UQCC2: variants seen among roughly 807,000 people sequenced by gnomAD.
UQCC2 encodes ubiquinol-cytochrome c reductase complex assembly factor 2.
Under a neutral mutation model 19.9 loss-of-function variants are expected in UQCC2, and 21 were observed. The ratio of observed to expected loss-of-function variants is 1.05; its 90% CI spans 0.75 to 1.52. The LOEUF (loss-of-function observed/expected upper bound fraction) is 1.52, where lower values mean the gene tolerates loss of function less well. UQCC2 is among the 40% of genes most tolerant of loss of function. The probability of loss-of-function intolerance (pLI) is 0.00; values close to 1 mark genes in which losing one functional copy is unlikely to be tolerated. For missense variants in UQCC2, 135 were observed against 157.5 expected, an observed-to-expected ratio of 0.86 and a Z score of 0.76; for synonymous variants, 57 against 60.9, an observed-to-expected ratio of 0.94 and a Z score of 0.30.
rs34737116 is a variant in UQCC2 at position 33,705,351 on chromosome 6, C to CTG, written c.139-3933_139-3932dup. 8.8e-5 allele frequency among the ~76,000 whole-genome samples: 5 copies of CTG among 56,574 alleles called. No homozygotes were observed. The South Asian group carries it at 9.7e-3, about 109-fold the overall frequency. 37.1% of individuals were successfully genotyped at this position (56,574 alleles called of 152,430 possible). A position where few individuals can be genotyped will look rare whatever the true frequency, so the allele number is the denominator to read the frequency against. On this transcript the variant is annotated intron_variant, in intron 1 of 3. Coordinates refer to ENST00000607484, the MANE Select transcript of UQCC2 (RefSeq NM_032340.4). Reference sequence around the variant, plus strand: ...CGACCACTCTCACTTCTGAAACTTCCTGTGTGAAAGAGACAGTCTCCTAGA... The same window carrying CTG: ...CGACCACTCTCACTTCTGAAACTTCCTGTGTGTGAAAGAGACAGTCTCCTAGA...
Position 33,707,638 on chromosome 6 carries a change from G to A in UQCC2, c.138+3911C>T, listed in dbSNP as rs180726174. On this transcript the variant is annotated intron_variant, in intron 1 of 3. Coordinates refer to ENST00000607484, the MANE Select transcript of UQCC2 (RefSeq NM_032340.4). ...CAGCAGCTCTTCTAGGACGCCCCTCGGAGTTGCACCTTGTGCTACATAAGT... is the reference window on the plus strand; with the variant it reads ...CAGCAGCTCTTCTAGGACGCCCCTCAGAGTTGCACCTTGTGCTACATAAGT... 2.6e-3 allele frequency among the ~76,000 whole-genome samples: 390 copies of A among 152,318 alleles called. 3 individuals carry two copies. The highest frequency in any genetic ancestry group is 9.2e-3 in the African/African-American group (381 of 41,572).
Position 33,697,667 on chromosome 6 carries a change from C to G in UQCC2, c.367G>C (p.Asp123His), listed in dbSNP as rs890811335. 1 of 1,613,306 alleles carries G rather than the reference C, an allele frequency of 6.2e-7. No homozygotes were observed. The highest frequency in any genetic ancestry group is 1.3e-5 in the African/African-American group (1 of 74,870). ...AAGGCCTGAGCTCAGGCCTTATGATCCTCCTCAGGACCCTTGGGGGCAAAC... is the reference window on the plus strand; with the variant it reads ...AAGGCCTGAGCTCAGGCCTTATGATGCTCCTCAGGACCCTTGGGGGCAAAC... ...EKFAPKGPEE[D>H]HKA Residue 123 changes from aspartate to histidine, a missense_variant, in exon 4 of 4, where the codon GAT (aspartate) becomes CAT (histidine). Coordinates refer to ENST00000607484, the MANE Select transcript of UQCC2 (RefSeq NM_032340.4).
intron 3 of UQCC2, among the ~76,000 whole-genome samples, chr6:33,700,240 A>C (rs1446833339): frequency 6.6e-6 from 1 of 152,158 alleles, no homozygotes; most frequent in African/African-American, 2.4e-5. Flanking sequence ...CCCTAAAGAT[A>C]GATTTTCTTT....
Position 33,698,896 on chromosome 6 carries a change from ATATTCT to A in UQCC2, c.284-1152_284-1147del, listed in dbSNP as rs1294293817. Among the ~76,000 whole-genome samples, 14 of 152,312 alleles carry A rather than the reference ATATTCT, an allele frequency of 9.2e-5. No homozygotes were observed. In the East Asian group the frequency reaches 2.7e-3, roughly 29 times the overall value. On this transcript the variant is annotated intron_variant, in intron 3 of 3. Transcript: ENST00000607484. ...ATTTTACGTGCATGTTAAATTTTAG[ATATTCT>A]TATAATATTGTTTTGCTTTACCAGC...
intron 1 of UQCC2, among the ~76,000 whole-genome samples, chr6:33,703,113 G>T (rs1765659016): frequency 6.6e-6 from 1 of 152,226 alleles, no homozygotes; most frequent in Non-Finnish European, 1.5e-5. Context: ...TGGTCAGCTT[G>T]TCCAGGGAAA....
At position 33,700,424 on chromosome 6, in the gene UQCC2, G is replaced by C; in HGVS notation, c.283+20C>G. The C allele has an allele frequency of 1.2e-6, 2 of 1,613,242 alleles. No homozygotes were observed. The highest frequency in any genetic ancestry group is 1.1e-5 in the South Asian group (1 of 91,044). ...AATCATTTGCAAACCAATGAGAAAA[G>C]GCAGCTGTGCTTTCATTACCTGTGG... On this transcript the variant is annotated intron_variant, in intron 3 of 3. Coordinates refer to ENST00000607484, the MANE Select transcript of UQCC2 (RefSeq NM_032340.4).
chr6:33,697,501 A>C lies in UQCC2; in HGVS notation c.*152T>G. On this transcript the variant is annotated 3_prime_UTR_variant, in exon 4 of 4. Coordinates refer to ENST00000607484, the MANE Select transcript of UQCC2 (RefSeq NM_032340.4). ...TCAATCACCATCCCTTCTCAGGCTG[A>C]AACTTTCTTTAGAGCAGCAAGGGCT... 1.6e-6 allele frequency: 1 copy of C among 609,172 alleles called. No individual in the cohort carries two copies. The highest frequency in any genetic ancestry group is 2.8e-6 in the Non-Finnish European group (1 of 353,492). The allele number at this position is 609,172 out of a possible 1,614,324, so 37.7% of individuals were successfully genotyped here.
chr6:33,704,391 A>C (rs1293551540), intron 1 of UQCC2, among the ~76,000 whole-genome samples: 1 of 152,100 alleles, frequency 6.6e-6, no homozygotes, highest in Non-Finnish European at 1.5e-5. Flanking sequence ...GTGCCCAGGG[A>C]ATGGGTCAGC....
At position 33,697,629 on chromosome 6, in the gene UQCC2, A is replaced by T. The variant is rs879462733; in HGVS notation, c.*24T>A. 6.5e-7 allele frequency: 1 copy of T among 1,534,044 alleles called. No homozygotes were observed. The highest frequency in any genetic ancestry group is 8.9e-7 in the Non-Finnish European group (1 of 1,118,820). ...AATGTACAAGACTCCACACCTAGGT[A>T]TGTGCACGAGGTAAGGCCTGAGCTC... On this transcript the variant is annotated 3_prime_UTR_variant, in exon 4 of 4. Coordinates refer to ENST00000607484, the MANE Select transcript of UQCC2 (RefSeq NM_032340.4).
intron 3 of UQCC2, among the ~76,000 whole-genome samples, chr6:33,699,984 A>T (rs919269473): frequency 6.6e-6 from 1 of 152,194 alleles, no homozygotes; most frequent in Non-Finnish European, 1.5e-5. Context: ...AATGACTCTA[A>T]AACATACCTA....
At chr6:33,697,840 A>T in intron 3 of UQCC2, 90 bp from the exon 4 acceptor site, 2 of 1,041,730 alleles carry the variant, frequency 1.9e-6, no homozygotes, top group Non-Finnish European at 2.8e-6. Flanking sequence ...CGACACAAGC[A>T]TGGCTTGCTT....
At chr6:33,706,490 T>A (rs1340265483) in intron 1 of UQCC2, among the ~76,000 whole-genome samples, 1 of 151,834 alleles carries the variant, frequency 6.6e-6, no homozygotes, top group Non-Finnish European at 1.5e-5. Context: ...GGGCAATGTG[T>A]AAGTGAGAGC....
intron 1 of UQCC2, among the ~76,000 whole-genome samples, chr6:33,705,261 G>T (rs1358796849): frequency 6.6e-6 from 1 of 152,046 alleles, no homozygotes; most frequent in Non-Finnish European, 1.5e-5. Context: ...TCAATCTCCT[G>T]ACCTTGTGAT....
Position 33,700,815 on chromosome 6 carries a change from CAT to C in UQCC2, c.214-304_214-303del, listed in dbSNP as rs1165280392. On this transcript the variant is annotated intron_variant, in intron 2 of 3. Coordinates refer to ENST00000607484, the MANE Select transcript of UQCC2 (RefSeq NM_032340.4). ...TGCCCATGCTGCTGCTCATGGATCA[CAT>C]GTTAGCAGGGAGGATTTAGAAAAAA... Among the ~76,000 whole-genome samples, 6 of 152,340 alleles carry C rather than the reference CAT, an allele frequency of 3.9e-5. No homozygotes were observed. The South Asian group carries it at 1.0e-3, about 26-fold the overall frequency.
In UQCC2 at chr6:33,697,299, A is replaced by G; in HGVS notation, c.*354T>C. 9.7e-6 allele frequency: 2 copies of G among 205,536 alleles called. No individual in the cohort carries two copies. The highest frequency in any genetic ancestry group is 1.9e-5 in the Non-Finnish European group (2 of 103,298). The allele number at this position is 205,536 out of a possible 1,614,324, so 12.7% of individuals were successfully genotyped here. On this transcript the variant is annotated 3_prime_UTR_variant, in exon 4 of 4. Transcript: ENST00000607484. ...CCCAGGAGCTCCTACAACAAAAGGG[A>G]GCCTGAGTATCTTGCCAGGAGACAC... is the stretch of plus-strand genomic sequence containing the variant.
chr6:33,711,097 T>A (rs918684971), intron 1 of UQCC2, among the ~76,000 whole-genome samples: 6 of 152,126 alleles, frequency 3.9e-5, no homozygotes, highest in African/African-American at 1.4e-4. Context: ...GGGTCTCAAC[T>A]CTCTCTGCAC....
intron 1 of UQCC2, among the ~76,000 whole-genome samples, chr6:33,702,982 A>T (rs1765657812): frequency 6.6e-6 from 1 of 152,250 alleles, no homozygotes; most frequent in Admixed American, 6.5e-5. Context: ...ATGTACACCC[A>T]GATACATCAG....
rs141572444 is a variant in UQCC2 at position 33,705,169 on chromosome 6, C to T, written c.139-3749G>A. Among the ~76,000 whole-genome samples the T allele has an allele frequency of 1.7e-3, 262 of 152,128 alleles. 1 individual carries two copies. The highest frequency in any genetic ancestry group is 6.0e-3 in the African/African-American group (249 of 41,494). ...GCCTCAGCCTCCCAAGTAGCTGGAA[C>T]TATAGGCGCCCGCTACCACGCCTGG... On this transcript the variant is annotated intron_variant, in intron 1 of 3. Coordinates refer to ENST00000607484, the MANE Select transcript of UQCC2 (RefSeq NM_032340.4).
intron 1 of UQCC2, among the ~76,000 whole-genome samples, chr6:33,705,593 G>A (rs566958481): frequency 6.6e-6 from 1 of 152,144 alleles, no homozygotes; most frequent in African/African-American, 2.4e-5. Context: ...GGTCAATGCT[G>A]GGTTCCTAGC....
Sources: allele counts gnomAD v4.1 joint callset (sites outside exome capture counted in the v4.1 genomes callset), GRCh38; gene constraint gnomAD v4.1.1; transcripts MANE v1.5; gene names NCBI Gene and HGNC (gene_info 2026-07-23, HGNC 2026-07-21).